Variants in VAC14 observed in about 807,000 individuals in gnomAD.
VAC14 encodes VAC14 component of PIKFYVE complex.
VAC14 carries 47 observed loss-of-function variants against 85.3 expected under a neutral mutation model. The observed-to-expected ratio is 0.55, with a 90% CI of 0.44 to 0.70. The LOEUF is 0.70. Ranked by LOEUF, VAC14 falls within the 30% of genes least tolerant of loss-of-function variation. The pLI is 0.00. For synonymous variants in VAC14, 447 were observed against 430.5 expected (o/e 1.04, Z -0.47); for missense variants, 861 against 1,004.3 (o/e 0.86, Z 1.93).
At chr16:70,770,963 T>TG (rs1409797981) in intron 10 of VAC14, 1 of 152,136 alleles carries the variant, frequency 6.6e-6, no homozygotes, top group East Asian at 1.9e-4. Context: ...GCTAGGGGTC[T>TG]GGGGGGAAGA....
chr16:70,706,913 A>G (rs374111604), intron 14 of VAC14, among the ~76,000 whole-genome samples: 2 of 152,166 alleles, frequency 1.3e-5, no homozygotes, highest in African/African-American at 4.8e-5. Context: ...CGGCCAATAA[A>G]TCTGAGGTGC....
chr16:70,730,748 C>T (rs1192740262), intron 14 of VAC14, among the ~76,000 whole-genome samples: 1 of 152,012 alleles, frequency 6.6e-6, no homozygotes, highest in African/African-American at 2.4e-5. Context: ...CAGGCATGTA[C>T]CACCACACCT....
At chr16:70,701,673 C>A (rs1475128530) in intron 14 of VAC14, among the ~76,000 whole-genome samples, 1 of 152,178 alleles carries the variant, frequency 6.6e-6, no homozygotes, top group Admixed American at 6.5e-5. Context: ...AAAACAGGCC[C>A]ATCAGAACAT....
intron 12 of VAC14, among the ~76,000 whole-genome samples, chr16:70,746,555 C>A (rs2030907392): frequency 6.6e-6 from 1 of 152,202 alleles, no homozygotes; most frequent in Non-Finnish European, 1.5e-5. Flanking sequence ...ATGGCAGGAG[C>A]AAGGGGTGCC....
chr16:70,763,084 G>A, intron 10 of VAC14, 59 bp from the exon 11 acceptor site: 8 of 1,608,174 alleles, frequency 5.0e-6, no homozygotes, highest in Non-Finnish European at 6.0e-6. Flanking sequence ...CTCTCCCATG[G>A]AGTCATGGCA....
intron 10 of VAC14, among the ~76,000 whole-genome samples, chr16:70,764,064 C>T (rs1015951409): frequency 3.9e-5 from 6 of 152,316 alleles, no homozygotes; most frequent in South Asian, 2.1e-4. Flanking sequence ...ACCGTCTCTT[C>T]GTGGCATTTC....
At chr16:70,693,362 A>G (rs2053638397) in intron 17 of VAC14, among the ~76,000 whole-genome samples, 2 of 152,290 alleles carry the variant, frequency 1.3e-5, no homozygotes, top group South Asian at 2.1e-4. Flanking sequence ...CGGGGCCTGT[A>G]GTGTAACATA....
intron 13 of VAC14, among the ~76,000 whole-genome samples, chr16:70,735,719 G>A (rs1040536012): frequency 2.6e-5 from 4 of 152,256 alleles, no homozygotes; most frequent in Non-Finnish European, 5.9e-5. Context: ...CGGCATGAAG[G>A]AGCCCTGAGT....
chr16:70,742,902 A>G (rs2030484551), intron 13 of VAC14, among the ~76,000 whole-genome samples: 1 of 152,264 alleles, frequency 6.6e-6, no homozygotes, highest in South Asian at 2.1e-4. Context: ...GACTTGGAGA[A>G]CTTTTCTGTC....
chr16:70,691,830 G>C (rs1281334480), intron 18 of VAC14: 1 of 985,292 alleles, frequency 1.0e-6, no homozygotes, highest in African/African-American at 1.7e-5. Flanking sequence ...TGCCAGCGGT[G>C]TGGAGGGCAC....
chr16:70,730,503 G>A (rs2054558113), intron 14 of VAC14, among the ~76,000 whole-genome samples: 1 of 151,596 alleles, frequency 6.6e-6, no homozygotes, highest in African/African-American at 2.4e-5. Context: ...ATGGTAGTCG[G>A]TAGTCTACTC....
At chr16:70,757,986 C>T (rs562153878) in intron 12 of VAC14, among the ~76,000 whole-genome samples, 35 of 152,350 alleles carry the variant, frequency 2.3e-4, no homozygotes, top group South Asian at 4.1e-4. Context: ...GTGCTCTTAA[C>T]CACCAGGCCT....
chr16:70,731,763 C>T, intron 13 of VAC14, 136 bp from the exon 14 acceptor site: 3 of 982,176 alleles, frequency 3.1e-6, no homozygotes, highest in Non-Finnish European at 2.8e-6. Flanking sequence ...GAGGGAAAAT[C>T]TCTAATCAAG....
At chr16:70,691,099 C>G (rs1258781397) in intron 18 of VAC14, 3 of 985,412 alleles carry the variant, frequency 3.0e-6, no homozygotes, top group Admixed American at 6.1e-5. Flanking sequence ...TCAAGACTTC[C>G]CTGACTGACC....
intron 10 of VAC14, among the ~76,000 whole-genome samples, chr16:70,767,378 G>C (rs1037590560): frequency 1.2e-4 from 18 of 152,186 alleles, no homozygotes; most frequent in Non-Finnish European, 2.9e-5. Context: ...TTCTGAAATT[G>C]AACTTGCTCT....
intron 9 of VAC14, among the ~76,000 whole-genome samples, chr16:70,773,963 T>C (rs1027345407): frequency 6.6e-6 from 1 of 151,302 alleles, no homozygotes; most frequent in South Asian, 2.1e-4. Context: ...TCAGTAGAGA[T>C]GGGGTTTTGT....
intron 1 of VAC14, among the ~76,000 whole-genome samples, chr16:70,794,215 A>AC (rs955785540): frequency 2.0e-5 from 3 of 152,218 alleles, no homozygotes; most frequent in Non-Finnish European, 4.4e-5. Flanking sequence ...AAGCTGTGCA[A>AC]CCATCACCAC....
At chr16:70,704,445 T>C (rs1407014500) in intron 14 of VAC14, among the ~76,000 whole-genome samples, 2 of 152,184 alleles carry the variant, frequency 1.3e-5, no homozygotes, top group Non-Finnish European at 2.9e-5. Context: ...AGCCAGGCCT[T>C]GGTTTGGAGG....
Position 70,762,823 on chromosome 16 carries a change from C to T in VAC14, c.1305+58G>A. The stretch of plus-strand genomic sequence containing the variant: ...AAATGCTACCAACTATGGGCAGGCC[C>T]TGGAAAACCAAGGCGGACCCAGAAG... On this transcript the variant is annotated intron_variant, in intron 11 of 18. Coordinates refer to ENST00000261776, the MANE Select transcript of VAC14 (RefSeq NM_018052.5). The surrounding 1 kb of genome is among the most constrained non-coding windows in gnomAD (Gnocchi z 4.1). 6.2e-7 allele frequency: 1 copy of T among 1,610,826 alleles called. No homozygotes were observed. The highest frequency in any genetic ancestry group is 8.5e-7 in the Non-Finnish European group (1 of 1,178,168).
Sources: allele counts gnomAD v4.1 joint callset (sites outside exome capture counted in the v4.1 genomes callset), GRCh38; gene constraint gnomAD v4.1.1; non-coding constraint Gnocchi (gnomAD v3.1); transcripts MANE v1.5; gene names NCBI Gene and HGNC (gene_info 2026-07-23, HGNC 2026-07-21).